The following AQP5 variants were observed in gnomAD, a reference collection of about 807,000 sequenced individuals.
The protein encoded by AQP5 is aquaporin-5.
AQP5 carries 15 observed loss-of-function variants against 19.1 expected under a neutral mutation model. That is an observed-to-expected ratio of 0.79 (90% CI 0.53 to 1.21). The LOEUF is 1.21. Ranked by LOEUF, AQP5 falls within the 50% of genes most tolerant of loss-of-function variation. The probability of loss-of-function intolerance (pLI) is 0.00; values close to 1 mark genes in which losing one functional copy is unlikely to be tolerated. For synonymous variants in AQP5, 182 were observed against 160.3 expected, an observed-to-expected ratio of 1.14 and a Z score of -1.02; for missense variants, 355 against 357.1, an observed-to-expected ratio of 0.99 and a Z score of 0.05.
At position 49,962,307 on chromosome 12, in the gene AQP5, G is replaced by A; in HGVS notation, c.290G>A (p.Gly97Asp). 6.2e-7 allele frequency: 1 copy of A among 1,607,474 alleles called. No individual in the cohort carries two copies. Among genetic ancestry groups the A allele is most frequent in the South Asian group, 1.1e-5 (1 of 91,000 alleles). The change falls in exon 1 of 4, where the codon GGC becomes GAC. Residue 97 changes from glycine to aspartate, a missense_variant. Gly to Asp is a moderately conservative substitution (Grantham distance 94). Transcript: ENST00000293599. ...AFFYVAAQLV[G>D]AIAGAGILYG... The stretch of plus-strand genomic sequence containing the variant: ...TTCTACGTGGCGGCCCAGCTGGTGG[G>A]CGCCATTGCCGGGGCTGGCATCCTC...
In AQP5 at chr12:49,964,157, G is replaced by T. The variant is rs530297960; in HGVS notation, c.594G>T (p.Arg198=). The stretch of plus-strand genomic sequence containing the variant: ...TTGGCCCTGCGGTGGTCATGAATCG[G>T]TTCAGCCCCGCTCACTGGGTGAGTC... ...RSFGPAVVMN[R]FSPAHWVFWV... is the part of the protein sequence containing the mutation. Residue 198 remains arginine (R), a synonymous_variant, in exon 3 of 4, where the codon CGG becomes CGT. Transcript: ENST00000293599. The T allele has an allele frequency of 6.2e-7, 1 of 1,614,080 alleles. No individual in the cohort carries two copies. The highest frequency in any genetic ancestry group is 2.2e-5 in the East Asian group (1 of 44,878).
At chr12:49,963,440 T>C in intron 1 of AQP5, 52 bp from the exon 2 acceptor site, 2 of 1,596,420 alleles carry the variant, frequency 1.3e-6, no homozygotes, top group South Asian at 2.3e-5. Flanking sequence ...CCCGAGCCCC[T>C]GGCTATACAG....
intron 2 of AQP5, 118 bp downstream of exon 2, chr12:49,963,774 AT>A: frequency 1.5e-6 from 2 of 1,349,590 alleles, no homozygotes; most frequent in Non-Finnish European, 9.9e-7. Flanking sequence ...TAAGGCCTGG[AT>A]TTAGGGCTCC....
At position 49,962,397 on chromosome 12, in the gene AQP5, G is replaced by C. The variant is rs767006877; in HGVS notation, c.363+17G>C. The stretch of plus-strand genomic sequence containing the variant: ...GTCAACGCGGTGAGTGCCCTGGGGG[G>C]GGGGTGGGAGCCTCGACCCTGGGGT... On this transcript the variant is annotated intron_variant, in intron 1 of 3. Transcript: ENST00000293599. 2.8e-5 allele frequency: 41 copies of C among 1,476,584 alleles called. No homozygotes were observed. The South Asian group carries it at 3.0e-4, about 11-fold the overall frequency. The allele number at this position is 1,476,584 out of a possible 1,614,324, so 91.5% of individuals were successfully genotyped here.
intron 2 of AQP5, 64 bp downstream of exon 2, chr12:49,963,720 C>G: frequency 6.4e-7 from 1 of 1,562,924 alleles, no homozygotes; most frequent in Non-Finnish European, 8.7e-7. Context: ...AATAATGGAG[C>G]CCTGGAGCGG....
At position 49,963,611 on chromosome 12, in the gene AQP5, A is replaced by G. The variant is rs1947454119; in HGVS notation, c.483A>G (p.Pro161=). The G allele has an allele frequency of 6.2e-7, 1 of 1,613,730 alleles. No homozygotes were observed. The highest frequency in any genetic ancestry group is 1.7e-5 in the Admixed American group (1 of 60,010). Residue 161 remains proline (P), a synonymous_variant, in exon 2 of 4, where the codon CCA becomes CCG. Coordinates refer to ENST00000293599, the MANE Select transcript of AQP5 (RefSeq NM_001651.4). ...GCCGCACCAGCCCTGTGGGCTCCCC[A>G]GCCCTGTCCATTGGCCTGTCTGTCA... ...DSRRTSPVGS[P]ALSIGLSVTL...
intron 1 of AQP5, chr12:49,962,630 C>T (rs1947442670): frequency 2.1e-6 from 1 of 470,934 alleles, no homozygotes; most frequent in Admixed American, 4.1e-5. Flanking sequence ...GCTACCCCTC[C>T]TCTCCTGCCA....
rs139623970 is a variant in AQP5 at position 49,962,105 on chromosome 12, G to A, written c.88G>A (p.Gly30Ser). 30 of 1,613,478 alleles carry A rather than the reference G, an allele frequency of 1.9e-5. No homozygotes were observed. The highest frequency in any genetic ancestry group is 2.5e-5 in the Non-Finnish European group (29 of 1,179,786). Residue 30 changes from glycine to serine, a missense_variant, in exon 1 of 4, where the codon GGC becomes AGC. By Grantham distance (56) the Gly-to-Ser change is moderately conservative. Coordinates refer to ENST00000293599, the MANE Select transcript of AQP5 (RefSeq NM_001651.4). ...ATLIFVFFGL[G>S]SALKWPSALP... The stretch of plus-strand genomic sequence containing the variant: ...CCTCATCTTCGTCTTCTTTGGCCTG[G>A]GCTCGGCCCTCAAGTGGCCGTCGGC...
chr12:49,963,625 G>C lies in AQP5; in HGVS notation c.497G>C (p.Gly166Ala). The C allele has an allele frequency of 1.9e-6, 3 of 1,613,788 alleles. No homozygotes were observed. Among genetic ancestry groups the C allele is most frequent in the Non-Finnish European group, 2.5e-6 (3 of 1,180,026 alleles). The stretch of plus-strand genomic sequence containing the variant: ...GTGGGCTCCCCAGCCCTGTCCATTG[G>C]CCTGTCTGTCACCCTGGGCCACCTT... ...SPVGSPALSI[G>A]LSVTLGHLVG... Residue 166 changes from glycine (G) to alanine (A), a missense_variant, in exon 2 of 4, where the codon GGC becomes GCC. By Grantham distance (60) the Gly-to-Ala change is moderately conservative. Transcript: ENST00000293599.
intron 3 of AQP5, among the ~76,000 whole-genome samples, 170 bp downstream of exon 3, chr12:49,964,345 G>A (rs1264628187): frequency 3.3e-5 from 5 of 152,152 alleles, no homozygotes; most frequent in African/African-American, 1.2e-4. Flanking sequence ...TCAGCTAGAG[G>A]GGCAGAGGTG....
Position 49,962,000 on chromosome 12 carries a change from C to T in AQP5, c.-18C>T, listed in dbSNP as rs767932384. The T allele has an allele frequency of 2.6e-5, 36 of 1,359,814 alleles. No homozygotes were observed. The highest frequency in any genetic ancestry group is 3.3e-5 in the Non-Finnish European group (35 of 1,050,004). The allele number at this position is 1,359,814 out of a possible 1,614,324, so 84.2% of individuals were successfully genotyped here. A position where few individuals can be genotyped will look rare whatever the true frequency, so the allele number is the denominator to read the frequency against. ...CGCCCCCCGCCGCGGCAGCTGCCGC[C>T]GGGCCCCCGCGGCCACCATGAAGAA... On this transcript the variant is annotated 5_prime_UTR_variant, in exon 1 of 4. Coordinates refer to ENST00000293599, the MANE Select transcript of AQP5 (RefSeq NM_001651.4).
At chr12:49,964,860 C>T in intron 3 of AQP5, 132 bp from the exon 4 acceptor site, 3 of 1,461,276 alleles carry the variant, frequency 2.1e-6, no homozygotes, top group Non-Finnish European at 2.7e-6. Flanking sequence ...GGAAGTCTTT[C>T]TCCCTGAAGG....
At position 49,964,309 on chromosome 12, in the gene AQP5, G is replaced by A; in HGVS notation, c.612+134G>A. On this transcript the variant is annotated intron_variant, in intron 3 of 3. Transcript: ENST00000293599. ...GGGCCACGGAGTGGTGGCTGACAGA[G>A]AAAGGGACACAGTAGGGGATGGGAT... 4.3e-6 allele frequency: 4 copies of A among 939,130 alleles called. No individual in the cohort carries two copies. The South Asian group carries it at 6.0e-5, about 14-fold the overall frequency. 58.2% of individuals were successfully genotyped at this position (939,130 alleles called of 1,614,324 possible). A position where few individuals can be genotyped will look rare whatever the true frequency, so the allele number is the denominator to read the frequency against.
Position 49,962,268 on chromosome 12 carries a change from T to C in AQP5, c.251T>C (p.Leu84Pro), listed in dbSNP as rs755874805. 6.2e-7 allele frequency: 1 copy of C among 1,607,130 alleles called. No homozygotes were observed. Among genetic ancestry groups the C allele is most frequent in the Non-Finnish European group, 8.5e-7 (1 of 1,179,874 alleles). The part of the protein sequence containing the change: ...LALLVGNQIS[L>P]LRAFFYVAAQ... ...CTCTTGGTGGGCAACCAGATCTCGC[T>C]GCTCCGGGCTTTCTTCTACGTGGCG... The change falls in exon 1 of 4, where the codon CTG becomes CCG. Residue 84 changes from leucine (L) to proline (P), a missense_variant. Transcript: ENST00000293599.
intron 3 of AQP5, 89 bp from the exon 4 acceptor site, chr12:49,964,903 G>C: frequency 6.6e-7 from 1 of 1,518,264 alleles, no homozygotes; most frequent in Non-Finnish European, 8.8e-7. Context: ...TCCTCTCAGG[G>C]TCCGTGGGTC....
intron 1 of AQP5, 166 bp downstream of exon 1, chr12:49,962,546 T>G (rs1370697906): frequency 1.9e-5 from 16 of 862,070 alleles, no homozygotes; most frequent in Non-Finnish European, 2.4e-5. Context: ...TCCAGGCTGA[T>G]ATGTGCTCCC....
chr12:49,964,040 T>C, intron 2 of AQP5, 52 bp from the exon 3 acceptor site: 1 of 1,535,026 alleles, frequency 6.5e-7, no homozygotes, highest in South Asian at 1.1e-5. Context: ...CCAGATTCTG[T>C]GGGAGTGGAC....
intron 3 of AQP5, 51 bp downstream of exon 3, chr12:49,964,226 A>G: frequency 6.4e-7 from 1 of 1,563,278 alleles, no homozygotes; most frequent in Non-Finnish European, 8.8e-7. Flanking sequence ...CTGGAGACCC[A>G]GCAGTGGCAG....
rs150033758 is a variant in AQP5, at chr12:49,965,223, G to A, written c.*46G>A. The A allele has an allele frequency of 2.0e-6, 3 of 1,511,534 alleles. No homozygotes were observed. Among genetic ancestry groups the A allele is most frequent in the African/African-American group, 1.4e-5 (1 of 71,266 alleles). The allele number at this position is 1,511,534 out of a possible 1,614,324, so 93.6% of individuals were successfully genotyped here. A position where few individuals can be genotyped will look rare whatever the true frequency, so the allele number is the denominator to read the frequency against. The stretch of plus-strand genomic sequence containing the variant: ...GCCCCTCAGCCCCTGAGCCAAGGGG[G>A]AAAAGAAGAAAAAGTACCTAACACA... On this transcript the variant is annotated 3_prime_UTR_variant, in exon 4 of 4. Transcript: ENST00000293599.
Sources: gnomAD v4.1 joint callset for allele counts (sites outside exome capture counted in the v4.1 genomes callset) on GRCh38, gnomAD v4.1.1 for gene constraint, MANE v1.5 for transcripts, NCBI Gene and HGNC (gene_info 2026-07-23, HGNC 2026-07-21) for gene names.